ARID3A: variants seen among roughly 807,000 people sequenced by gnomAD.
ARID3A encodes the protein AT-rich interaction domain 3A, also known as AT-rich interactive domain-containing protein 3A.
ARID3A carries 11 observed loss-of-function variants against 52.7 expected under a neutral mutation model. The observed-to-expected ratio is 0.21, with a 90% CI of 0.13 to 0.35. The LOEUF is 0.35. ARID3A is among the 10% of genes least tolerant of loss of function. ARID3A has a pLI of 1.00. For synonymous variants in ARID3A, 404 were observed against 359.4 expected, an observed-to-expected ratio of 1.12 and a Z score of -1.40; for missense variants, 721 against 838.5, an observed-to-expected ratio of 0.86 and a Z score of 1.73.
intron 3 of ARID3A, among the ~76,000 whole-genome samples, chr19:955,665 G>A (rs940149855): frequency 6.6e-6 from 1 of 152,160 alleles, no homozygotes; most frequent in South Asian, 2.1e-4. Context: ...GGGAAACTGA[G>A]GCAGGAGGTG....
In ARID3A at chr19:926,963, C is replaced by T. The variant is rs541341871; in HGVS notation, c.-268+904C>T. On this transcript the variant is annotated intron_variant, in intron 1 of 8. Transcript: ENST00000263620. ...GGTTTCTGTCTTCTTATTTCTTCTCCTTCTTGAGTTTTTTTCTCACTTCCT... is the reference window on the plus strand; with the variant it reads ...GGTTTCTGTCTTCTTATTTCTTCTCTTTCTTGAGTTTTTTTCTCACTTCCT... 3.3e-5 allele frequency among the ~76,000 whole-genome samples: 5 copies of T among 151,548 alleles called. No homozygotes were observed. In the East Asian group the frequency reaches 5.8e-4, roughly 18 times the overall value.
intron 3 of ARID3A, among the ~76,000 whole-genome samples, chr19:933,851 G>T (rs1017551058): frequency 2.7e-5 from 4 of 148,498 alleles, no homozygotes; most frequent in African/African-American, 7.5e-5. Context: ...CTCGGTGGGG[G>T]GGGGGGGCGT....
intron 1 of ARID3A, among the ~76,000 whole-genome samples, chr19:926,320 C>T (rs1484203001): frequency 3.3e-5 from 5 of 151,840 alleles, no homozygotes; most frequent in East Asian, 2.0e-4. Flanking sequence ...GTGGGGGTCC[C>T]GGACTGGGAA....
chr19:966,963 A>G (rs969174920), intron 7 of ARID3A, 95 bp downstream of exon 7: 4 of 1,285,268 alleles, frequency 3.1e-6, no homozygotes, highest in East Asian at 2.6e-5. Flanking sequence ...CAACAAATCA[A>G]TAAGAAAAAA....
intron 6 of ARID3A, chr19:965,387 C>A: frequency 3.2e-6 from 1 of 313,284 alleles, no homozygotes; most frequent in Non-Finnish European, 6.0e-6. Context: ...CAGGCATCAT[C>A]AGTTGATCAG....
chr19:929,496 GGT>G lies in ARID3A; in HGVS notation c.-31_-30del. ...CCCTAGCGCCCGTGGTGGTGGTGGT[GGT>G]GGTGGTGGTGGTGGCCCGGGCCGCA... On this transcript the variant is annotated 5_prime_UTR_variant, in exon 2 of 9. Coordinates refer to ENST00000263620, the MANE Select transcript of ARID3A (RefSeq NM_005224.3). This position sits in a 1 kb window ranked among gnomAD's most constrained non-coding sequence, Gnocchi z 6.2. 1 of 1,498,474 alleles carries G rather than the reference GGT, an allele frequency of 6.7e-7. No individual in the cohort carries two copies. The highest frequency in any genetic ancestry group is 8.8e-7 in the Non-Finnish European group (1 of 1,130,466). The allele number at this position is 1,498,474 out of a possible 1,614,324, so 92.8% of individuals were successfully genotyped here. A position where few individuals can be genotyped will look rare whatever the true frequency, so the allele number is the denominator to read the frequency against.
chr19:970,417 A>G (rs2038251741), intron 8 of ARID3A, among the ~76,000 whole-genome samples: 1 of 151,678 alleles, frequency 6.6e-6, no homozygotes, highest in Non-Finnish European at 1.5e-5. Flanking sequence ...GAGGCTAAGG[A>G]GAGAGGTTTG....
intron 3 of ARID3A, among the ~76,000 whole-genome samples, chr19:934,089 C>T (rs1006915703): frequency 6.6e-6 from 1 of 152,162 alleles, no homozygotes; most frequent in Non-Finnish European, 1.5e-5. Context: ...ATTTAACATT[C>T]ACCCAATATT....
rs559212400 is a variant in ARID3A, at chr19:928,296, C to T, written c.-267-966C>T. The T allele has an allele frequency of 5.6e-3, 848 of 151,884 alleles. 14 individuals carry two copies. The highest frequency in any genetic ancestry group is 8.4e-3 in the Admixed American group (128 of 15,248). The allele number at this position is 151,884 out of a possible 1,614,324, so 9.4% of individuals were successfully genotyped here. A position where few individuals can be genotyped will look rare whatever the true frequency, so the allele number is the denominator to read the frequency against. ...CGGCCTGTTTTATTGGCGGCCTGGG[C>T]GGGTGGAGGTGTGGCCTGGGCTAGG... is the stretch of plus-strand genomic sequence containing the variant. On this transcript the variant is annotated intron_variant, in intron 1 of 8. Transcript: ENST00000263620.
rs1377507921 is a variant in ARID3A, at chr19:942,427, C to T, written c.693+9685C>T. The stretch of plus-strand genomic sequence containing the variant: ...CCGGGAGCCGGGCCGGGAGCCGCTG[C>T]GGTGCCGACCTGGTGGGTGGCACAC... On this transcript the variant is annotated intron_variant, in intron 3 of 8. Coordinates refer to ENST00000263620, the MANE Select transcript of ARID3A (RefSeq NM_005224.3). The surrounding 1 kb of genome is among the most constrained non-coding windows in gnomAD (Gnocchi z 8.1). Among the ~76,000 whole-genome samples the T allele has an allele frequency of 4.6e-5, 7 of 152,312 alleles. No individual in the cohort carries two copies. The highest frequency in any genetic ancestry group is 1.3e-4 in the Admixed American group (2 of 15,308).
chr19:953,147 G>C (rs112135783), intron 3 of ARID3A, among the ~76,000 whole-genome samples: 1 of 151,940 alleles, frequency 6.6e-6, no homozygotes, highest in Non-Finnish European at 1.5e-5. Context: ...GGGGTGGTCC[G>C]GGCAGCCGGG....
chr19:933,733 C>T (rs2037381103), intron 3 of ARID3A, among the ~76,000 whole-genome samples: 2 of 152,096 alleles, frequency 1.3e-5, no homozygotes, highest in Admixed American at 6.5e-5. Context: ...CGGCCCTAAC[C>T]CCAGCAGCCC....
At position 938,398 on chromosome 19, in the gene ARID3A, C is replaced by T. The variant is rs1427256247; in HGVS notation, c.693+5656C>T. Among the ~76,000 whole-genome samples the T allele has an allele frequency of 6.6e-6, 1 of 152,186 alleles. No homozygotes were observed. Among genetic ancestry groups the T allele is most frequent in the Non-Finnish European group, 1.5e-5 (1 of 68,044 alleles). On this transcript the variant is annotated intron_variant, in intron 3 of 8. Transcript: ENST00000263620. This position sits in a 1 kb window ranked among gnomAD's most constrained non-coding sequence, Gnocchi z 4.0. ...ATCCTCACTGGATCCCAAGGAGCTG[C>T]CGTTGAACCTGTTGTGCAGACGAGA...
At chr19:933,011 G>A (rs142513369) in intron 3 of ARID3A, among the ~76,000 whole-genome samples, 258 of 152,268 alleles carry the variant, frequency 1.7e-3, no homozygotes, top group African/African-American at 5.9e-3. Flanking sequence ...CGGAGGTGAT[G>A]GGGCAGAGAT....
Position 942,468 on chromosome 19 carries a change from A to T in ARID3A, c.693+9726A>T, listed in dbSNP as rs1343339705. ...GGTGGCACACGGGGGGCGGGTGCGG[A>T]CCGCCTCTTCTCCGCTCTGCCGGCT... On this transcript the variant is annotated intron_variant, in intron 3 of 8. Transcript: ENST00000263620. This position sits in a 1 kb window ranked among gnomAD's most constrained non-coding sequence, Gnocchi z 8.1. Among the ~76,000 whole-genome samples the T allele has an allele frequency of 2.0e-5, 3 of 152,134 alleles. No individual in the cohort carries two copies. Among genetic ancestry groups the T allele is most frequent in the Non-Finnish European group, 4.4e-5 (3 of 68,018 alleles).
intron 3 of ARID3A, among the ~76,000 whole-genome samples, chr19:956,042 A>G (rs1193929194): frequency 6.6e-6 from 1 of 151,992 alleles, no homozygotes; most frequent in Middle Eastern, 3.2e-3. Flanking sequence ...GACCGTCTCC[A>G]GTGCCCACCG....
intron 1 of ARID3A, 35 bp downstream of exon 1, chr19:926,094 G>A (rs1247018152): frequency 1.3e-5 from 2 of 150,328 alleles, no homozygotes; most frequent in Non-Finnish European, 3.0e-5. Flanking sequence ...CGTGGGTCGG[G>A]GGCCGGGAGC....
chr19:964,708 G>C lies in ARID3A; in HGVS notation c.951-125G>C. 1.4e-6 allele frequency: 2 copies of C among 1,444,768 alleles called. No homozygotes were observed. Among genetic ancestry groups the C allele is most frequent in the Non-Finnish European group, 1.8e-6 (2 of 1,087,204 alleles). The allele number at this position is 1,444,768 out of a possible 1,614,324, so 89.5% of individuals were successfully genotyped here. On this transcript the variant is annotated intron_variant, in intron 5 of 8. Transcript: ENST00000263620. The surrounding 1 kb of genome is among the most constrained non-coding windows in gnomAD (Gnocchi z 5.7). ...CAAAGGCCCAGCAGCTCTGGGGGCTGCTGAGCAAGTCCAAGGGAAGAACCA... is the reference window on the plus strand; with the variant it reads ...CAAAGGCCCAGCAGCTCTGGGGGCTCCTGAGCAAGTCCAAGGGAAGAACCA...
At chr19:931,455 A>AAAAG (rs1190420782) in intron 2 of ARID3A, among the ~76,000 whole-genome samples, 14 of 139,834 alleles carry the variant, frequency 1.0e-4, no homozygotes, top group South Asian at 2.3e-4. Context: ...GTGTCTCAAA[A>AAAAG]AAAAAAAAAA....
Sources: allele counts gnomAD v4.1 joint callset (sites outside exome capture counted in the v4.1 genomes callset), GRCh38; gene constraint gnomAD v4.1.1; non-coding constraint Gnocchi (gnomAD v3.1); transcripts MANE v1.5; gene names NCBI Gene and HGNC (gene_info 2026-07-23, HGNC 2026-07-21).